Variants in COL21A1 observed in about 807,000 individuals in gnomAD.
COL21A1 encodes collagen alpha-1(XXI) chain.
A neutral mutation model predicts 137.9 loss-of-function variants in COL21A1; 149 were observed. That is an observed-to-expected ratio of 1.08 (90% CI 0.95 to 1.24). The LOEUF is 1.24. COL21A1 is among the 50% of genes most tolerant of loss of function. The probability of loss-of-function intolerance (pLI) is 0.00; values close to 1 mark genes in which losing one functional copy is unlikely to be tolerated. For synonymous variants in COL21A1, 456 were observed against 391.5 expected (o/e 1.16, Z -1.95); for missense variants, 1,167 against 1,158.4 (o/e 1.01, Z -0.11).
At chr6:56,164,910 G>T (rs543239412) in intron 7 of COL21A1, 88 bp from the exon 8 acceptor site, 2 of 1,032,844 alleles carry the variant, frequency 1.9e-6, no homozygotes, top group African/African-American at 3.7e-5. Context: ...TCACCATCCA[G>T]ATTAGAGATA....
chr6:56,304,864 A>G (rs1179707158), intron 1 of COL21A1, among the ~76,000 whole-genome samples: 1 of 151,940 alleles, frequency 6.6e-6, no homozygotes, highest in Non-Finnish European at 1.5e-5. Context: ...TCTCTTGTGG[A>G]CATTTAGTGC....
intron 23 of COL21A1, 113 bp from the exon 24 acceptor site, chr6:56,064,735 C>T (rs866763278): frequency 1.3e-4 from 74 of 557,870 alleles, no homozygotes; most frequent in Non-Finnish European, 1.8e-4. Context: ...ACAAAAGCAG[C>T]GATACAAATA....
chr6:56,350,431 A>C (rs1393901542), intron 1 of COL21A1, among the ~76,000 whole-genome samples: 1 of 152,218 alleles, frequency 6.6e-6, no homozygotes, highest in Non-Finnish European at 1.5e-5. Context: ...GGCAGTGATT[A>C]TATCTTTTTC....
At chr6:56,140,730 AGTACATG>A (rs1163345130) in intron 12 of COL21A1, among the ~76,000 whole-genome samples, 1 of 152,208 alleles carries the variant, frequency 6.6e-6, no homozygotes, top group Non-Finnish European at 1.5e-5. Context: ...CTTGGAAGGT[AGTACATG>A]GTGATTTTAG....
chr6:56,147,613 T>C (rs1774936000), intron 10 of COL21A1, among the ~76,000 whole-genome samples: 1 of 152,130 alleles, frequency 6.6e-6, no homozygotes, highest in African/African-American at 2.4e-5. Context: ...CAGTGACCAA[T>C]TCTTTGAAGA....
intron 1 of COL21A1, among the ~76,000 whole-genome samples, chr6:56,183,712 A>G (rs531899875): frequency 6.6e-6 from 1 of 152,328 alleles, no homozygotes; most frequent in African/African-American, 2.4e-5. Context: ...GAAAAACACC[A>G]TAAGCAGATC....
At chr6:56,080,199 G>T (rs1767627548) in intron 17 of COL21A1, among the ~76,000 whole-genome samples, 1 of 151,754 alleles carries the variant, frequency 6.6e-6, no homozygotes, top group Non-Finnish European at 1.5e-5. Flanking sequence ...TGTTTCCAAG[G>T]AGACTATTTT....
chr6:56,388,879 T>C (rs2094023671), intron 1 of COL21A1, among the ~76,000 whole-genome samples: 1 of 152,176 alleles, frequency 6.6e-6, no homozygotes, highest in Non-Finnish European at 1.5e-5. Context: ...GCTCAGCGAA[T>C]TTCAAGATAA....
At chr6:56,064,077 A>C (rs961027430) in intron 24 of COL21A1, among the ~76,000 whole-genome samples, 1 of 152,156 alleles carries the variant, frequency 6.6e-6, no homozygotes, top group Non-Finnish European at 1.5e-5. Flanking sequence ...AAGCCATCTT[A>C]CTGTGTGTCT....
At chr6:56,144,122 C>A (rs186383222) in intron 10 of COL21A1, among the ~76,000 whole-genome samples, 3 of 152,340 alleles carry the variant, frequency 2.0e-5, no homozygotes, top group South Asian at 2.1e-4. Context: ...AATTCACTCT[C>A]AGCTCTGTCA....
At chr6:56,147,598 T>A (rs1774934730) in intron 10 of COL21A1, among the ~76,000 whole-genome samples, 4 of 152,096 alleles carry the variant, frequency 2.6e-5, no homozygotes. Context: ...AGATGTTAGA[T>A]GCGTCAGTGA....
At chr6:56,276,138 T>G (rs927278979) in intron 1 of COL21A1, among the ~76,000 whole-genome samples, 1 of 152,156 alleles carries the variant, frequency 6.6e-6, no homozygotes, top group African/African-American at 2.4e-5. Context: ...AAATACCACA[T>G]GTTCTCACGT....
chr6:56,389,916 T>C (rs1210751429), intron 1 of COL21A1, among the ~76,000 whole-genome samples: 1 of 152,180 alleles, frequency 6.6e-6, no homozygotes, highest in Non-Finnish European at 1.5e-5. Flanking sequence ...ACCTGTCTTA[T>C]AAGAAATGCT....
intron 12 of COL21A1, among the ~76,000 whole-genome samples, chr6:56,130,913 T>C (rs1582439951): frequency 6.6e-6 from 1 of 152,076 alleles, no homozygotes. Flanking sequence ...TTAACAGCAA[T>C]GGATAGCAAA....
chr6:56,241,067 C>T (rs1381977006), intron 1 of COL21A1, among the ~76,000 whole-genome samples: 1 of 152,162 alleles, frequency 6.6e-6, no homozygotes, highest in African/African-American at 2.4e-5. Flanking sequence ...CATTCCTATA[C>T]CACTCTGGTT....
intron 16 of COL21A1, among the ~76,000 whole-genome samples, chr6:56,119,742 G>A (rs1455084460): frequency 6.6e-6 from 1 of 152,062 alleles, no homozygotes; most frequent in African/African-American, 2.4e-5. Flanking sequence ...AGAGAACCCA[G>A]AAACAAATCT....
chr6:56,058,072 T>C (rs549382016), intron 29 of COL21A1, among the ~76,000 whole-genome samples: 4 of 150,998 alleles, frequency 2.6e-5, no homozygotes, highest in African/African-American at 9.8e-5. Flanking sequence ...AGGCTAAGCA[T>C]ATTAACATAG....
In COL21A1 at chr6:56,056,979, A is replaced by T. The variant is rs1765397510; in HGVS notation, c.*678T>A. 6.6e-6 allele frequency: 1 copy of T among 152,166 alleles called. No individual in the cohort carries two copies. The highest frequency in any genetic ancestry group is 2.1e-4 in the South Asian group (1 of 4,828). The allele number at this position is 152,166 out of a possible 1,614,324, so 9.4% of individuals were successfully genotyped here. On this transcript the variant is annotated 3_prime_UTR_variant, in exon 30 of 30. Coordinates refer to ENST00000244728, the MANE Select transcript of COL21A1 (RefSeq NM_030820.4). Reference sequence around the variant, plus strand: ...ATGTACAATGAAACTTTTTGTCTAAAATGTTTTTAATGTTAATTTTGACCA... The same window carrying T: ...ATGTACAATGAAACTTTTTGTCTAATATGTTTTTAATGTTAATTTTGACCA...
At chr6:56,108,204 A>G (rs1419879853) in intron 16 of COL21A1, among the ~76,000 whole-genome samples, 7 of 152,008 alleles carry the variant, frequency 4.6e-5, no homozygotes, top group Non-Finnish European at 8.8e-5. Context: ...TCAGTATAGC[A>G]TAATTTACAT....
Sources: allele counts gnomAD v4.1 joint callset (sites outside exome capture counted in the v4.1 genomes callset), GRCh38; gene constraint gnomAD v4.1.1; transcripts MANE v1.5; gene names NCBI Gene and HGNC (gene_info 2026-07-23, HGNC 2026-07-21).